The following PGCKA1 variants were observed in gnomAD, a reference collection of about 807,000 sequenced individuals.
PGCKA1 encodes PDCD10 and GCKIII kinases associated 1.
At chr4:37,518,871 A>G in the PGCKA1 span, among the ~76,000 whole-genome samples, 1 of 152,146 alleles carries the variant, frequency 6.6e-6, no homozygotes, top group African/African-American at 2.4e-5. Flanking sequence ...AATTTTCCCC[A>G]ACGTTTTCCT....
chr4:37,462,158 T>TTTGG, the PGCKA1 span, among the ~76,000 whole-genome samples: 3 of 150,688 alleles, frequency 2.0e-5, no homozygotes, highest in Admixed American at 1.3e-4. Context: ...TGTATGTCCA[T>TTTGG]GTAAATAGTG....
the PGCKA1 span, chr4:37,453,935 G>A: frequency 6.5e-6 from 1 of 152,936 alleles, no homozygotes; most frequent in Non-Finnish European, 1.5e-5. Flanking sequence ...GGCGGGCTCA[G>A]GGCAGCGCGG....
the PGCKA1 span, among the ~76,000 whole-genome samples, chr4:37,493,935 G>T: frequency 2.6e-5 from 4 of 152,094 alleles, no homozygotes; most frequent in South Asian, 2.1e-4. Flanking sequence ...ATAGTATTTT[G>T]TTATGTTTAT....
At chr4:37,473,924 C>G in the PGCKA1 span, among the ~76,000 whole-genome samples, 4 of 152,214 alleles carry the variant, frequency 2.6e-5, no homozygotes, top group East Asian at 5.8e-4. Context: ...CAACTCAACT[C>G]ACCTGAAATG....
At chr4:37,501,979 A>G in the PGCKA1 span, among the ~76,000 whole-genome samples, 1 of 151,992 alleles carries the variant, frequency 6.6e-6, no homozygotes, top group Non-Finnish European at 1.5e-5. Context: ...TCATTTCTGG[A>G]AGGTTTTAGG....
At chr4:37,564,171 G>A in the PGCKA1 span, among the ~76,000 whole-genome samples, 1 of 151,610 alleles carries the variant, frequency 6.6e-6, no homozygotes, top group Non-Finnish European at 1.5e-5. Flanking sequence ...CTATTCAGGA[G>A]GCTGAGGCAG....
At chr4:37,495,788 T>TGATGG in the PGCKA1 span, among the ~76,000 whole-genome samples, 1 of 152,048 alleles carries the variant, frequency 6.6e-6, no homozygotes, top group East Asian at 1.9e-4. Flanking sequence ...CAAACCACCA[T>TGATGG]GGCAAGTGTA....
chr4:37,466,534 G>A, the PGCKA1 span, among the ~76,000 whole-genome samples: 61 of 152,288 alleles, frequency 4.0e-4, 1 homozygote, highest in East Asian at 0.011. Flanking sequence ...TGGCTGCTGT[G>A]TAGGAAGAAG....
At chr4:37,524,388 G>T in the PGCKA1 span, among the ~76,000 whole-genome samples, 1 of 150,712 alleles carries the variant, frequency 6.6e-6, no homozygotes, top group African/African-American at 2.4e-5. Flanking sequence ...GATTGGGGCT[G>T]AGGATATACT....
chr4:37,462,176 T>G, the PGCKA1 span, among the ~76,000 whole-genome samples: 2 of 152,324 alleles, frequency 1.3e-5, no homozygotes, highest in South Asian at 4.1e-4. Context: ...GTGGGGAAAT[T>G]TTTTTGGCAG....
chr4:37,589,879 G>A, the PGCKA1 span, among the ~76,000 whole-genome samples: 14 of 152,188 alleles, frequency 9.2e-5, no homozygotes, highest in African/African-American at 1.9e-4. Context: ...TGATCCACCC[G>A]CCTTGGCCAC....
the PGCKA1 span, among the ~76,000 whole-genome samples, chr4:37,484,483 G>T: frequency 1.3e-5 from 2 of 152,110 alleles, no homozygotes; most frequent in Non-Finnish European, 2.9e-5. Context: ...ATGAGATTTG[G>T]GTGAGGACAC....
At chr4:37,554,278 C>T in the PGCKA1 span, among the ~76,000 whole-genome samples, 1 of 152,274 alleles carries the variant, frequency 6.6e-6, no homozygotes, top group Admixed American at 6.5e-5. Context: ...ATAAATTACC[C>T]AGTCTCAGGA....
the PGCKA1 span, among the ~76,000 whole-genome samples, chr4:37,572,599 T>C: frequency 6.6e-6 from 1 of 152,218 alleles, no homozygotes; most frequent in East Asian, 1.9e-4. Flanking sequence ...GATTATCCTC[T>C]ATCCAAAATG....
chr4:37,479,888 C>T, the PGCKA1 span, among the ~76,000 whole-genome samples: 8 of 152,198 alleles, frequency 5.3e-5, no homozygotes, highest in Middle Eastern at 3.4e-3. Flanking sequence ...GGAAGGCATC[C>T]AATAGGCAGA....
At chr4:37,556,729 T>C in the PGCKA1 span, among the ~76,000 whole-genome samples, 1 of 152,318 alleles carries the variant, frequency 6.6e-6, no homozygotes, top group South Asian at 2.1e-4. Context: ...TGAATGATAT[T>C]GTAGTTCATT....
At chr4:37,584,019 G>A in the PGCKA1 span, among the ~76,000 whole-genome samples, 21 of 152,286 alleles carry the variant, frequency 1.4e-4, no homozygotes, top group African/African-American at 4.8e-4. Context: ...TTTCATTGCT[G>A]TGTGTCACAT....
chr4:37,509,539 A>C, the PGCKA1 span, among the ~76,000 whole-genome samples: 4 of 150,282 alleles, frequency 2.7e-5, no homozygotes, highest in Admixed American at 6.6e-5. Context: ...GGCAGAGATG[A>C]TCCTCACTTC....
At chr4:37,575,065 G>T in the PGCKA1 span, among the ~76,000 whole-genome samples, 4 of 152,296 alleles carry the variant, frequency 2.6e-5, no homozygotes, top group Middle Eastern at 3.4e-3. Flanking sequence ...AAACATGGGA[G>T]TGCAGGTATC....
Sources: allele counts gnomAD v4.1 joint callset (sites outside exome capture counted in the v4.1 genomes callset), GRCh38; gene constraint gnomAD v4.1.1; transcripts MANE v1.5; gene names NCBI Gene and HGNC (gene_info 2026-07-23, HGNC 2026-07-21).